The following DSE variants were observed in gnomAD, a reference collection of about 807,000 sequenced individuals.
DSE encodes the protein dermatan sulfate epimerase, also known as dermatan-sulfate epimerase.
DSE carries 36 observed loss-of-function variants against 84.4 expected under a neutral mutation model. That is an observed-to-expected ratio of 0.43 (90% CI 0.33 to 0.56). The LOEUF (loss-of-function observed/expected upper bound fraction) is 0.56, where lower values mean the gene tolerates loss of function less well. Ranked by LOEUF, DSE falls within the 20% of genes least tolerant of loss-of-function variation. The pLI, the probability that DSE is intolerant of heterozygous loss-of-function variation, is 0.06. For synonymous variants in DSE, 410 were observed against 430.1 expected, an observed-to-expected ratio of 0.95 and a Z score of 0.58; for missense variants, 862 against 1,169.6, an observed-to-expected ratio of 0.74 and a Z score of 3.84.
At chr6:116,322,212 TGTA>T (rs1776369144) in intron 2 of DSE, among the ~76,000 whole-genome samples, 1 of 152,210 alleles carries the variant, frequency 6.6e-6, no homozygotes, top group African/African-American at 2.4e-5. Context: ...ATACAATGTC[TGTA>T]ATCTATAGAT....
chr6:116,369,656 G>A (rs142088091), upstream of DSE, among the ~76,000 whole-genome samples: 20 of 152,294 alleles, frequency 1.3e-4, no homozygotes, highest in African/African-American at 4.8e-4. Flanking sequence ...CTTCCCTAAA[G>A]CATCAAGAAG....
chr6:116,327,124 A>G (rs1452880746), intron 2 of DSE, among the ~76,000 whole-genome samples: 1 of 152,222 alleles, frequency 6.6e-6, no homozygotes, highest in Non-Finnish European at 1.5e-5. Context: ...CATACAGTAA[A>G]GAGAGAAAAA....
chr6:116,377,013 C>T (rs1015710554), intron 1 of DSE, among the ~76,000 whole-genome samples: 2 of 152,102 alleles, frequency 1.3e-5, no homozygotes, highest in East Asian at 1.9e-4. Context: ...TCAGTGCGAA[C>T]GATAGCAGAA....
At chr6:116,357,044 G>GCCCCC in intron 2 of DSE, among the ~76,000 whole-genome samples, 1 of 152,196 alleles carries the variant, frequency 6.6e-6, no homozygotes, top group South Asian at 2.1e-4. Context: ...GCAAAATATG[G>GCCCCC]TTCCAAAAAA....
chr6:116,263,581 TG>T (rs905747366), intron 2 of DSE, among the ~76,000 whole-genome samples: 1 of 152,208 alleles, frequency 6.6e-6, no homozygotes, highest in African/African-American at 2.4e-5. Context: ...GTCTTTTAAT[TG>T]GGGCATTTAG....
chr6:116,390,693 G>C (rs1780847818), intron 1 of DSE, among the ~76,000 whole-genome samples: 1 of 152,084 alleles, frequency 6.6e-6, no homozygotes, highest in Admixed American at 6.5e-5. Context: ...TCAATTGTTA[G>C]ACTGCTAGAT....
chr6:116,369,264 G>C (rs141017862), upstream of DSE, among the ~76,000 whole-genome samples: 1 of 152,270 alleles, frequency 6.6e-6, no homozygotes, highest in Non-Finnish European at 1.5e-5. Flanking sequence ...ACTACTACTT[G>C]CTGAGAGGTT....
chr6:116,355,144 A>T (rs1003490698), intron 2 of DSE, among the ~76,000 whole-genome samples: 4 of 152,220 alleles, frequency 2.6e-5, no homozygotes, highest in African/African-American at 9.6e-5. Context: ...CTTTGCATAC[A>T]TACAGTTTCA....
At chr6:116,364,668 A>G (rs1429870834) in intron 2 of DSE, among the ~76,000 whole-genome samples, 2 of 152,024 alleles carry the variant, frequency 1.3e-5, no homozygotes, top group Non-Finnish European at 2.9e-5. Flanking sequence ...CAAACTGCAT[A>G]TCCAACAAAA....
intron 1 of DSE, chr6:116,375,370 A>G (rs1406173793): frequency 1.0e-4 from 18 of 171,814 alleles, no homozygotes. Context: ...TTTTTCTTTA[A>G]AGAAAAATCT....
intron 2 of DSE, among the ~76,000 whole-genome samples, chr6:116,411,116 C>G (rs1782323691): frequency 6.6e-6 from 1 of 152,026 alleles, no homozygotes; most frequent in Non-Finnish European, 1.5e-5. Flanking sequence ...TAGCTGCTTC[C>G]TGTTTGCCAG....
intron 1 of DSE, among the ~76,000 whole-genome samples, chr6:116,384,682 T>C (rs932257098): frequency 3.9e-5 from 6 of 152,224 alleles, no homozygotes; most frequent in Non-Finnish European, 8.8e-5. Flanking sequence ...ACTATATGTT[T>C]AGTTATCTCT....
intron 2 of DSE, among the ~76,000 whole-genome samples, chr6:116,405,689 GGGAA>G (rs1781879482): frequency 6.6e-6 from 1 of 152,186 alleles, no homozygotes; most frequent in African/African-American, 2.4e-5. Flanking sequence ...CACAGCCATT[GGGAA>G]TTCACTTCTT....
Position 116,439,527 on chromosome 6 carries a change from T to A in DSE, c.*2182T>A. 1 of 151,712 alleles carries A rather than the reference T, an allele frequency of 6.6e-6. No homozygotes were observed. The allele number at this position is 151,712 out of a possible 1,614,324, so 9.4% of individuals were successfully genotyped here. A position where few individuals can be genotyped will look rare whatever the true frequency, so the allele number is the denominator to read the frequency against. ...GTGGTTAAGTGAAAAAAAAAAATGCTGAAACAAATCACCCCTCTTCATAAT... is the reference window on the plus strand; with the variant it reads ...GTGGTTAAGTGAAAAAAAAAAATGCAGAAACAAATCACCCCTCTTCATAAT... On this transcript the variant is annotated 3_prime_UTR_variant, in exon 6 of 6. Transcript: ENST00000644252.
Position 116,439,029 on chromosome 6 carries a change from G to A in DSE, c.*1684G>A, listed in dbSNP as rs532166118. On this transcript the variant is annotated 3_prime_UTR_variant, in exon 6 of 6. Coordinates refer to ENST00000644252, the MANE Select transcript of DSE (RefSeq NM_013352.4). ...ATGTTTTCAAAAGAATAATGCTTCC[G>A]TTTGTCCTGCATGGATGCTCTTACT... 2 of 152,232 alleles carry A rather than the reference G, an allele frequency of 1.3e-5. No homozygotes were observed. The highest frequency in any genetic ancestry group is 4.1e-4 in the South Asian group (2 of 4,830). The allele number at this position is 152,232 out of a possible 1,614,324, so 9.4% of individuals were successfully genotyped here. A position where few individuals can be genotyped will look rare whatever the true frequency, so the allele number is the denominator to read the frequency against.
chr6:116,282,690 T>TA (rs758352434), intron 2 of DSE, among the ~76,000 whole-genome samples: 43 of 152,348 alleles, frequency 2.8e-4, no homozygotes, highest in Non-Finnish European at 4.4e-4. Flanking sequence ...AAAATTACAT[T>TA]AGAGAAGTGA....
chr6:116,300,089 A>G (rs1305657242), intron 2 of DSE, among the ~76,000 whole-genome samples: 1 of 152,216 alleles, frequency 6.6e-6, no homozygotes, highest in African/African-American at 2.4e-5. Context: ...GAAGATGTAT[A>G]TAGTAGTAAG....
chr6:116,318,023 A>G (rs544595071), intron 2 of DSE, among the ~76,000 whole-genome samples: 6 of 152,344 alleles, frequency 3.9e-5, no homozygotes, highest in Admixed American at 1.3e-4. Context: ...GTATAAAAAT[A>G]GCATTTTATC....
At chr6:116,371,855 G>T (rs1000226630) in intron 1 of DSE, among the ~76,000 whole-genome samples, 4 of 152,228 alleles carry the variant, frequency 2.6e-5, no homozygotes, top group Non-Finnish European at 5.9e-5. Context: ...TGTGACCTGA[G>T]AACTTTTTCG....
Sources: allele counts gnomAD v4.1 joint callset (sites outside exome capture counted in the v4.1 genomes callset), GRCh38; gene constraint gnomAD v4.1.1; transcripts MANE v1.5; gene names NCBI Gene and HGNC (gene_info 2026-07-23, HGNC 2026-07-21).